The following SV2C variants were observed in gnomAD, a reference collection of about 807,000 sequenced individuals.
SV2C encodes solute carrier family 22 member B3.
A neutral mutation model predicts 79.7 loss-of-function variants in SV2C; 49 were observed. The ratio of observed to expected loss-of-function variants is 0.61; its 90% CI spans 0.49 to 0.78. The LOEUF (loss-of-function observed/expected upper bound fraction) is 0.78, where lower values mean the gene tolerates loss of function less well. Among genes scored for constraint, SV2C ranks in the 30% least tolerant of loss-of-function variants. The pLI is 0.00. For missense variants in SV2C, 833 were observed against 912.9 expected (o/e 0.91, Z 1.13); for synonymous variants, 334 against 333.2 (o/e 1.00, Z -0.03).
the SV2C span, among the ~76,000 whole-genome samples, chr5:75,946,632 G>A: frequency 0.031 from 4,649 of 152,156 alleles, 105 homozygotes; most frequent in Middle Eastern, 0.095. Context: ...CAAAATAGGT[G>A]AATCTCAAAT....
intron 1 of SV2C, among the ~76,000 whole-genome samples, chr5:76,114,891 A>T (rs543873172): frequency 6.6e-6 from 1 of 152,346 alleles, no homozygotes; most frequent in Admixed American, 6.5e-5. Flanking sequence ...ACATTCTTTT[A>T]TTCTTTTTAA....
chr5:76,162,324 C>A (rs569134400), intron 2 of SV2C, among the ~76,000 whole-genome samples: 14 of 152,202 alleles, frequency 9.2e-5, no homozygotes, highest in Non-Finnish European at 1.8e-4. Flanking sequence ...TTGTTCTGAT[C>A]TTTATGTTGC....
intron 12 of SV2C, among the ~76,000 whole-genome samples, chr5:76,339,939 G>C (rs1749408655): frequency 6.6e-6 from 1 of 152,106 alleles, no homozygotes; most frequent in Non-Finnish European, 1.5e-5. Context: ...CACAGGATGA[G>C]ATAGGAGGCT....
intron 2 of SV2C, among the ~76,000 whole-genome samples, chr5:76,181,996 T>G (rs1397545037): frequency 3.3e-5 from 5 of 152,212 alleles, no homozygotes; most frequent in East Asian, 3.9e-4. Flanking sequence ...AACCTTCTCA[T>G]GCCTCCTACG....
At chr5:76,294,629 C>A (rs1747680893) in intron 8 of SV2C, among the ~76,000 whole-genome samples, 1 of 152,244 alleles carries the variant, frequency 6.6e-6, no homozygotes, top group East Asian at 1.9e-4. Context: ...TTATTAGCAA[C>A]AATTTTTACC....
At chr5:76,146,848 A>G (rs1458160846) in intron 2 of SV2C, among the ~76,000 whole-genome samples, 4 of 150,798 alleles carry the variant, frequency 2.7e-5, no homozygotes, top group Non-Finnish European at 5.9e-5. Context: ...TACCAAATGG[A>G]AAATAAACAA....
chr5:75,913,448 C>T, the SV2C span, among the ~76,000 whole-genome samples: 3 of 152,098 alleles, frequency 2.0e-5, no homozygotes, highest in African/African-American at 7.2e-5. Flanking sequence ...GGGTTTAAGT[C>T]CAGGTGCTGG....
the SV2C span, among the ~76,000 whole-genome samples, chr5:76,032,771 G>A: frequency 1.1e-3 from 169 of 152,320 alleles, 2 homozygotes; most frequent in African/African-American, 3.6e-3. Context: ...CCAGTAATGG[G>A]ATGGCTGGGT....
chr5:76,241,147 G>T (rs1030494948), intron 4 of SV2C, among the ~76,000 whole-genome samples: 2 of 151,540 alleles, frequency 1.3e-5, no homozygotes, highest in African/African-American at 4.9e-5. Context: ...AGTAGAGACG[G>T]GGTTTCACCA....
At chr5:76,275,627 G>T (rs1431568895) in intron 4 of SV2C, among the ~76,000 whole-genome samples, 1 of 152,206 alleles carries the variant, frequency 6.6e-6, no homozygotes, top group Non-Finnish European at 1.5e-5. Flanking sequence ...ACATACCTCT[G>T]CCTTGGCACC....
chr5:76,117,212 A>G lies in SV2C; in HGVS notation c.-101-14438A>G, dbSNP rs147977218. Among the ~76,000 whole-genome samples, 1,092 of 152,326 alleles carry G rather than the reference A, an allele frequency of 7.2e-3. 22 individuals carry two copies. The highest frequency in any genetic ancestry group is 0.039 in the Admixed American group (601 of 15,296). ...GAAACTAGTTTGTGGCCAATTATAT[A>G]TCATGGTTTTGAGAAAACTATATGC... On this transcript the variant is annotated intron_variant, in intron 1 of 12. Coordinates refer to ENST00000502798, the MANE Select transcript of SV2C (RefSeq NM_014979.4).
intron 1 of SV2C, among the ~76,000 whole-genome samples, chr5:76,086,642 A>G (rs200704223): frequency 7.3e-6 from 1 of 136,160 alleles, no homozygotes; most frequent in African/African-American, 3.0e-5. Context: ...CCCCTGGCAT[A>G]TATAGTTTTG....
intron 1 of SV2C, among the ~76,000 whole-genome samples, chr5:76,085,054 A>G (rs1284605001): frequency 6.6e-6 from 1 of 152,224 alleles, no homozygotes; most frequent in Non-Finnish European, 1.5e-5. Context: ...TAATCCCTTC[A>G]TACTTAGCTG....
At chr5:75,901,828 A>T in the SV2C span, among the ~76,000 whole-genome samples, 1 of 152,192 alleles carries the variant, frequency 6.6e-6, no homozygotes, top group African/African-American at 2.4e-5. Flanking sequence ...GCCACCTTGC[A>T]GTTTGATCTC....
the SV2C span, among the ~76,000 whole-genome samples, chr5:75,934,298 C>CTTTTT: frequency 1.7e-4 from 15 of 87,572 alleles, no homozygotes; most frequent in African/African-American, 9.9e-4. Flanking sequence ...TTTTTTCTTT[C>CTTTTT]TTTCTTTTTT....
At chr5:76,235,860 C>A (rs1186493591) in intron 4 of SV2C, among the ~76,000 whole-genome samples, 2 of 151,968 alleles carry the variant, frequency 1.3e-5, no homozygotes, top group African/African-American at 4.8e-5. Context: ...CTTTTTGCAT[C>A]TAAATTGATT....
chr5:75,853,432 T>C, the SV2C span, among the ~76,000 whole-genome samples: 1 of 151,074 alleles, frequency 6.6e-6, no homozygotes, highest in African/African-American at 2.4e-5. Flanking sequence ...GGCGGGCGCC[T>C]GTAGTCCCAG....
rs908708985 is a variant in SV2C at position 76,237,650 on chromosome 5, A to T, written c.913+27763A>T. Among the ~76,000 whole-genome samples the T allele has an allele frequency of 3.9e-5, 6 of 152,170 alleles. 1 individual carries two copies. Among genetic ancestry groups the T allele is most frequent in the Admixed American group, 3.9e-4 (6 of 15,282 alleles). ...GTTATTGTGTTTTGGTCCTTGCATA[A>T]CTGACAGTGTCTTTATCATACCACA... is the stretch of plus-strand genomic sequence containing the variant. On this transcript the variant is annotated intron_variant, in intron 4 of 12. Transcript: ENST00000502798.
chr5:75,848,389 A>C, the SV2C span, among the ~76,000 whole-genome samples: 532 of 152,314 alleles, frequency 3.5e-3, no homozygotes, highest in African/African-American at 0.012. Context: ...ATATTCTACC[A>C]AGGCCACAGT....
Sources: allele counts gnomAD v4.1 joint callset (sites outside exome capture counted in the v4.1 genomes callset), GRCh38; gene constraint gnomAD v4.1.1; transcripts MANE v1.5; gene names NCBI Gene and HGNC (gene_info 2026-07-23, HGNC 2026-07-21).